Variants in CCR7 observed in about 807,000 individuals in gnomAD.
The protein encoded by CCR7 is C-C motif chemokine receptor 7.
A neutral mutation model predicts 26.0 loss-of-function variants in CCR7; 11 were observed. The ratio of observed to expected loss-of-function variants is 0.42; its 90% CI spans 0.27 to 0.70. CCR7 has a LOEUF of 0.70. Ranked by LOEUF, CCR7 falls within the 30% of genes least tolerant of loss-of-function variation. The pLI is 0.23. For synonymous variants in CCR7, 189 were observed against 202.1 expected (o/e 0.94, Z 0.55); for missense variants, 360 against 504.0 (o/e 0.71, Z 2.74).
intron 1 of CCR7, among the ~76,000 whole-genome samples, chr17:40,564,720 G>A (rs78279284): frequency 0.021 from 3,197 of 152,312 alleles, 49 homozygotes; most frequent in Non-Finnish European, 0.031. Flanking sequence ...CTGAAGGCCT[G>A]GCTATGATTT....
rs1270872282 is a variant in CCR7, at chr17:40,554,777, C to T, written c.1102G>A (p.Val368Met). 6.2e-7 allele frequency: 1 copy of T among 1,613,068 alleles called. No individual in the cohort carries two copies. The highest frequency in any genetic ancestry group is 8.5e-7 in the Non-Finnish European group (1 of 1,179,452). ...AAGGTGGTGGTGGTCTCGGCCTCCA[C>T]ACTCATGGAGGAGCGCCGGATGTGC... ...CRHIRRSSMS[V>M]EAETTTTFSP is the part of the protein sequence containing the mutation. Residue 368 changes from valine to methionine, a missense_variant, in exon 3 of 3, where the codon GTG becomes ATG. Coordinates refer to ENST00000246657, the MANE Select transcript of CCR7 (RefSeq NM_001838.4).
chr17:40,565,423 C>G lies in CCR7; in HGVS notation c.-14G>C. 6.2e-7 allele frequency: 1 copy of G among 1,613,194 alleles called. No individual in the cohort carries two copies. The highest frequency in any genetic ancestry group is 8.5e-7 in the Non-Finnish European group (1 of 1,179,160). On this transcript the variant is annotated 5_prime_UTR_variant, in exon 1 of 3. Coordinates refer to ENST00000246657, the MANE Select transcript of CCR7 (RefSeq NM_001838.4). ...ACCCAGGTCCATGACGCTCTCTGGG[C>G]GGTAAAACCACACAGGAAGGCTGTG...
chr17:40,561,587 C>G lies in CCR7; in HGVS notation c.11-2645G>C, dbSNP rs367822579. ...AAATTCCCTAGAACTCCAACCGGAG[C>G]CCCCAACATGAGAGACTGCCCATCC... On this transcript the variant is annotated intron_variant, in intron 1 of 2. Transcript: ENST00000246657. Among the ~76,000 whole-genome samples, 572 of 152,196 alleles carry G rather than the reference C, an allele frequency of 3.8e-3. 5 individuals are homozygous for G. Among genetic ancestry groups the G allele is most frequent in the African/African-American group, 0.013 (539 of 41,502 alleles).
At chr17:40,564,761 T>C (rs1301990796) in intron 1 of CCR7, among the ~76,000 whole-genome samples, 4 of 152,146 alleles carry the variant, frequency 2.6e-5, no homozygotes, top group Non-Finnish European at 5.9e-5. Context: ...GCCATCCCAT[T>C]CCATGTTGCC....
At chr17:40,564,692 T>G (rs2036690108) in intron 1 of CCR7, among the ~76,000 whole-genome samples, 1 of 152,180 alleles carries the variant, frequency 6.6e-6, no homozygotes, top group Non-Finnish European at 1.5e-5. Flanking sequence ...TGAGGTTTGC[T>G]CAGGGGCAGG....
At chr17:40,557,442 A>G (rs1170561919) in intron 2 of CCR7, among the ~76,000 whole-genome samples, 1 of 152,366 alleles carries the variant, frequency 6.6e-6, no homozygotes, top group East Asian at 1.9e-4. Flanking sequence ...CAGGTTCTGG[A>G]TTCATCACTG....
At chr17:40,559,581 A>C (rs2036631672) in intron 1 of CCR7, among the ~76,000 whole-genome samples, 1 of 152,180 alleles carries the variant, frequency 6.6e-6, no homozygotes, top group Non-Finnish European at 1.5e-5. Context: ...GGGCTCCACC[A>C]GCTCCACAAC....
At chr17:40,559,006 C>T (rs1378253843) in intron 1 of CCR7, 64 bp from the exon 2 acceptor site, 1 of 1,373,770 alleles carries the variant, frequency 7.3e-7, no homozygotes, top group African/African-American at 1.4e-5. Flanking sequence ...TTAAAGAAAG[C>T]AGTGGAGGGG....
Position 40,555,479 on chromosome 17 carries a change from C to T in CCR7, c.400G>A (p.Ala134Thr). 2 of 1,613,936 alleles carry T rather than the reference C, an allele frequency of 1.2e-6. No homozygotes were observed. Among genetic ancestry groups the T allele is most frequent in the Non-Finnish European group, 1.7e-6 (2 of 1,180,020 alleles). ...CTGAAGAAGCTCATCTTGTAGATGG[C>T]AAAGATGAGCTTGCAAAAGTGGACA... ...FGVHFCKLIF[A>T]IYKMSFFSGM... Residue 134 changes from alanine (A) to threonine (T), a missense_variant, in exon 3 of 3, where the codon GCC (alanine) becomes ACC (threonine). By Grantham distance (58) the Ala-to-Thr change is moderately conservative. Transcript: ENST00000246657. The surrounding 1 kb of genome is among the most constrained non-coding windows in gnomAD (Gnocchi z 5.6).
At chr17:40,560,392 C>G (rs1254355294) in intron 1 of CCR7, among the ~76,000 whole-genome samples, 1 of 152,178 alleles carries the variant, frequency 6.6e-6, no homozygotes, top group East Asian at 1.9e-4. Flanking sequence ...GGCACCTTCT[C>G]CTGGAGGCTG....
intron 2 of CCR7, among the ~76,000 whole-genome samples, chr17:40,557,167 T>C (rs2036597167): frequency 2.0e-5 from 3 of 152,110 alleles, no homozygotes; most frequent in Non-Finnish European, 4.4e-5. Flanking sequence ...TGCTGGAGCT[T>C]TTTTTAGCCG....
At chr17:40,562,718 T>C (rs533955585) in intron 1 of CCR7, among the ~76,000 whole-genome samples, 5 of 152,148 alleles carry the variant, frequency 3.3e-5, no homozygotes, top group Non-Finnish European at 5.9e-5. Flanking sequence ...TCTTCCTCCT[T>C]GGCATGGCCA....
chr17:40,557,483 G>A (rs76372077), intron 2 of CCR7, among the ~76,000 whole-genome samples: 1,888 of 152,342 alleles, frequency 0.012, 42 homozygotes, highest in African/African-American at 0.043. Flanking sequence ...AGGACAAAAT[G>A]ATGTCCAGGA....
At chr17:40,561,975 T>G (rs532532152) in intron 1 of CCR7, among the ~76,000 whole-genome samples, 1 of 152,326 alleles carries the variant, frequency 6.6e-6, no homozygotes, top group African/African-American at 2.4e-5. Flanking sequence ...GAGCTCTCAC[T>G]GCGTGCCACA....
chr17:40,555,970 A>G lies in CCR7; in HGVS notation c.61-152T>C. 4 of 592,708 alleles carry G rather than the reference A, an allele frequency of 6.7e-6. No individual in the cohort carries two copies. The highest frequency in any genetic ancestry group is 2.9e-5 in the East Asian group (1 of 34,562). The allele number at this position is 592,708 out of a possible 1,614,324, so 36.7% of individuals were successfully genotyped here. On this transcript the variant is annotated intron_variant, in intron 2 of 2. Transcript: ENST00000246657. The surrounding 1 kb of genome is among the most constrained non-coding windows in gnomAD (Gnocchi z 5.6). ...GCCCAGGCTGGAGTGCAGTGGTGCA[A>G]TCATGGCTCCCTGCAGCCTCGGCCT...
At chr17:40,565,078 G>T (rs1326912463) in intron 1 of CCR7, among the ~76,000 whole-genome samples, 6 of 151,362 alleles carry the variant, frequency 4.0e-5, no homozygotes, top group Admixed American at 6.6e-5. Context: ...ATGAGAACAG[G>T]TTCTGCCAGA....
At chr17:40,557,687 C>T (rs2143910489) in intron 2 of CCR7, among the ~76,000 whole-genome samples, 1 of 152,318 alleles carries the variant, frequency 6.6e-6, no homozygotes, top group African/African-American at 2.4e-5. Context: ...GGGCAGTACT[C>T]CCGGCCTCTA....
chr17:40,554,804 G>T lies in CCR7; in HGVS notation c.1075C>A (p.Arg359=), dbSNP rs755563290. The stretch of plus-strand genomic sequence containing the variant: ...CTCATGGAGGAGCGCCGGATGTGCC[G>T]ACAGGAAGACCACTGCCGGAGCTGC... ...QEQLRQWSSC[R]HIRRSSMSVE... Residue 359 remains arginine (R), a synonymous_variant, in exon 3 of 3, where the codon CGG becomes AGG. Coordinates refer to ENST00000246657, the MANE Select transcript of CCR7 (RefSeq NM_001838.4). The T allele has an allele frequency of 1.5e-5, 25 of 1,614,004 alleles. No homozygotes were observed. The highest frequency in any genetic ancestry group is 1.9e-5 in the Non-Finnish European group (22 of 1,180,024).
intron 1 of CCR7, among the ~76,000 whole-genome samples, chr17:40,560,040 CAG>C (rs2036637277): frequency 6.6e-6 from 1 of 152,140 alleles, no homozygotes; most frequent in Admixed American, 6.6e-5. Flanking sequence ...TTCTGGAAGT[CAG>C]GAGGCTTCCT....
Sources: gnomAD v4.1 joint callset for allele counts (sites outside exome capture counted in the v4.1 genomes callset) on GRCh38, gnomAD v4.1.1 for gene constraint, Gnocchi (gnomAD v3.1) non-coding constraint, MANE v1.5 for transcripts, NCBI Gene and HGNC (gene_info 2026-07-23, HGNC 2026-07-21) for gene names.